IFT74: variants seen among roughly 807,000 people sequenced by gnomAD.
IFT74 encodes the protein intraflagellar transport 74.
Under a neutral mutation model 96.7 loss-of-function variants are expected in IFT74, and 92 were observed. The ratio of observed to expected loss-of-function variants is 0.95; its 90% CI spans 0.80 to 1.13. The LOEUF is 1.13. Ranked by LOEUF, IFT74 falls within the 50% of genes most tolerant of loss-of-function variation. IFT74 has a pLI of 0.00. For synonymous variants in IFT74, 223 were observed against 213.2 expected (o/e 1.05, Z -0.40); for missense variants, 811 against 698.2 (o/e 1.16, Z -1.82).
In IFT74 at chr9:27,014,714, A is replaced by G. The variant is rs7856475; in HGVS notation, c.790-2193A>G. 7.4e-3 allele frequency among the ~76,000 whole-genome samples: 1,124 copies of G among 152,244 alleles called. 12 individuals are homozygous for G. The highest frequency in any genetic ancestry group is 0.026 in the African/African-American group (1,066 of 41,544). ...AACCTCCGCCTTCTGAGTTCAAGCA[A>G]TTCTCCTGCCTCAGCCTCCCGAGTA... On this transcript the variant is annotated intron_variant, in intron 10 of 19. Coordinates refer to ENST00000380062, the MANE Select transcript of IFT74 (RefSeq NM_025103.4).
chr9:27,001,431 A>G lies in IFT74; in HGVS notation c.588-7589A>G, dbSNP rs191717457. On this transcript the variant is annotated intron_variant, in intron 8 of 19. Coordinates refer to ENST00000380062, the MANE Select transcript of IFT74 (RefSeq NM_025103.4). ...TACTAATTTACATTCCCAAGAGTGT[A>G]TGAGGGTTCCCCTTTCTCCACATCG... 4.6e-5 allele frequency among the ~76,000 whole-genome samples: 7 copies of G among 152,260 alleles called. No individual in the cohort carries two copies. The East Asian group carries it at 1.2e-3, about 25-fold the overall frequency.
upstream of IFT74, among the ~76,000 whole-genome samples, chr9:26,954,698 G>A (rs933660641): frequency 6.6e-6 from 1 of 151,498 alleles, no homozygotes; most frequent in African/African-American, 2.4e-5. Flanking sequence ...AAAGCAGAGG[G>A]ACAAAGATTC....
chr9:27,030,858 G>C (rs537077924), intron 13 of IFT74, among the ~76,000 whole-genome samples: 1 of 152,112 alleles, frequency 6.6e-6, no homozygotes, highest in Non-Finnish European at 1.5e-5. Flanking sequence ...AAAAAGTATT[G>C]TTCTTCCAAG....
At chr9:27,060,713 C>CCTG in intron 19 of IFT74, 62 bp downstream of exon 19, 1 of 1,203,970 alleles carries the variant, frequency 8.3e-7, no homozygotes, top group Non-Finnish European at 1.2e-6. Context: ...AGTCCCAACA[C>CCTG]TTTGGGAGGC....
chr9:27,055,383 G>A (rs1011184605), intron 16 of IFT74, among the ~76,000 whole-genome samples: 1 of 152,060 alleles, frequency 6.6e-6, no homozygotes, highest in African/African-American at 2.4e-5. Context: ...GTGGCTAATA[G>A]ACATCAGGTT....
At chr9:27,062,541 T>C in intron 19 of IFT74, 77 bp from the exon 20 acceptor site, 1 of 737,930 alleles carries the variant, frequency 1.4e-6, no homozygotes, top group Non-Finnish European at 2.3e-6. Flanking sequence ...GTATGAAAAA[T>C]GTCAGTATTT....
intron 12 of IFT74, among the ~76,000 whole-genome samples, chr9:27,027,481 A>G (rs1240739070): frequency 1.3e-5 from 2 of 152,044 alleles, no homozygotes; most frequent in Non-Finnish European, 2.9e-5. Context: ...CTCACTTGTT[A>G]TTATCTCTTT....
chr9:27,001,440 C>T (rs1828483299), intron 8 of IFT74, among the ~76,000 whole-genome samples: 1 of 152,070 alleles, frequency 6.6e-6, no homozygotes, highest in South Asian at 2.1e-4. Context: ...TATGAGGGTT[C>T]CCCTTTCTCC....
At chr9:27,032,400 A>T (rs117481077) in intron 13 of IFT74, among the ~76,000 whole-genome samples, 3 of 152,356 alleles carry the variant, frequency 2.0e-5, no homozygotes, top group Non-Finnish European at 4.4e-5. Context: ...AATGACAATT[A>T]TAAGCCTTAA....
At chr9:27,036,537 T>G in intron 13 of IFT74, 1 of 1,610,922 alleles carries the variant, frequency 6.2e-7, no homozygotes, top group Non-Finnish European at 8.5e-7. Flanking sequence ...CTAAGCACTA[T>G]GCTGAATCCA....
chr9:26,984,601 A>G (rs1359542554), intron 6 of IFT74, 42 bp downstream of exon 6: 4 of 1,485,140 alleles, frequency 2.7e-6, no homozygotes, highest in Non-Finnish European at 2.8e-6. Flanking sequence ...TAATATTTTC[A>G]TTAGTTTTTA....
At chr9:27,022,442 T>C (rs921971581) in intron 12 of IFT74, among the ~76,000 whole-genome samples, 2 of 152,182 alleles carry the variant, frequency 1.3e-5, no homozygotes, top group Non-Finnish European at 2.9e-5. Flanking sequence ...TTCACAATAT[T>C]GATTCTAGCC....
chr9:26,969,370 G>T (rs759124952), intron 2 of IFT74, among the ~76,000 whole-genome samples: 1 of 151,666 alleles, frequency 6.6e-6, no homozygotes, highest in African/African-American at 2.4e-5. Flanking sequence ...ATTTGAAGAT[G>T]TATGTATAGC....
At chr9:27,061,013 G>A in intron 19 of IFT74, 1 of 202,358 alleles carries the variant, frequency 4.9e-6, no homozygotes, top group Non-Finnish European at 9.8e-6. Context: ...AATTGACTGA[G>A]TTATTTTTTT....
Position 27,060,961 on chromosome 9 carries a change from C to CAAAA in IFT74, c.1684+337_1684+340dup, listed in dbSNP as rs752655360. The CAAAA allele has an allele frequency of 1.1e-3, 42 of 38,326 alleles. 1 individual carries two copies. Among genetic ancestry groups the CAAAA allele is most frequent in the Middle Eastern group, 8.2e-3 (1 of 122 alleles). The allele number at this position is 38,326 out of a possible 1,614,324, so 2.4% of individuals were successfully genotyped here. On this transcript the variant is annotated intron_variant, in intron 19 of 19. Transcript: ENST00000380062. ...TGGGCGACAGAGCAAGACTCCATCT[C>CAAAA]AAAAAAAAAAAAAAAAAAAAAAAAA... is the stretch of plus-strand genomic sequence containing the variant.
At chr9:27,056,801 C>G (rs570206043) in intron 18 of IFT74, among the ~76,000 whole-genome samples, 28 of 151,626 alleles carry the variant, frequency 1.8e-4, no homozygotes, top group African/African-American at 6.8e-4. Context: ...ATTAGTACCC[C>G]ACCACCCAGA....
At chr9:26,995,428 C>G (rs1828091027) in intron 8 of IFT74, 1 of 695,658 alleles carries the variant, frequency 1.4e-6, no homozygotes, top group Admixed American at 2.9e-5. Flanking sequence ...TGAATGCCTG[C>G]CAGCTGTATT....
At chr9:26,998,063 A>C (rs1257834490) in intron 8 of IFT74, 2 of 1,613,556 alleles carry the variant, frequency 1.2e-6, no homozygotes, top group Non-Finnish European at 1.7e-6. Context: ...ATTATGTAAG[A>C]TAGTAACCTT....
At chr9:26,998,282 A>G in intron 8 of IFT74, 1 of 1,174,484 alleles carries the variant, frequency 8.5e-7, no homozygotes, top group Non-Finnish European at 1.1e-6. Context: ...TCAGAAAAAA[A>G]ATTAATAGAA....
Sources: gnomAD v4.1 joint callset for allele counts (sites outside exome capture counted in the v4.1 genomes callset) on GRCh38, gnomAD v4.1.1 for gene constraint, MANE v1.5 for transcripts, NCBI Gene and HGNC (gene_info 2026-07-23, HGNC 2026-07-21) for gene names.